The following CTNND2 variants were observed in gnomAD, a reference collection of about 807,000 sequenced individuals.
The protein encoded by CTNND2 is catenin delta-2.
A neutral mutation model predicts 144.4 loss-of-function variants in CTNND2; 22 were observed. The observed-to-expected ratio is 0.15, with a 90% CI of 0.11 to 0.22. The LOEUF (loss-of-function observed/expected upper bound fraction) is 0.22. Ranked by LOEUF, CTNND2 falls within the 10% of genes least tolerant of loss-of-function variation. The pLI is 1.00. For synonymous variants in CTNND2, 751 were observed against 695.6 expected, an observed-to-expected ratio of 1.08 and a Z score of -1.25; for missense variants, 1,353 against 1,618.8, an observed-to-expected ratio of 0.84 and a Z score of 2.82.
chr5:11,062,212 A>G (rs989052313), intron 16 of CTNND2, among the ~76,000 whole-genome samples: 3 of 151,996 alleles, frequency 2.0e-5, no homozygotes, highest in Non-Finnish European at 4.4e-5. Context: ...CCAACTATGT[A>G]TTAGCATATT....
chr5:11,711,799 G>A (rs1581758527), intron 2 of CTNND2, among the ~76,000 whole-genome samples: 1 of 152,152 alleles, frequency 6.6e-6, no homozygotes, highest in East Asian at 1.9e-4. Flanking sequence ...TAGCCACACG[G>A]CCTTAAGTAT....
At chr5:11,468,520 G>A (rs1208596856) in intron 3 of CTNND2, among the ~76,000 whole-genome samples, 2 of 152,098 alleles carry the variant, frequency 1.3e-5, no homozygotes, top group Admixed American at 1.3e-4. Flanking sequence ...AGAGCAGCAG[G>A]TTCCCAGATC....
intron 3 of CTNND2, among the ~76,000 whole-genome samples, chr5:11,450,615 C>T (rs185426976): frequency 1.3e-5 from 2 of 152,164 alleles, no homozygotes; most frequent in African/African-American, 4.8e-5. Context: ...AAAATGCGTC[C>T]CAGGCTGGGC....
intron 9 of CTNND2, among the ~76,000 whole-genome samples, chr5:11,312,128 A>C: frequency 9.0e-6 from 1 of 111,192 alleles, no homozygotes; most frequent in Non-Finnish European, 1.9e-5. Flanking sequence ...CAAACTCCCC[A>C]TACATCCTCT....
intron 3 of CTNND2, among the ~76,000 whole-genome samples, chr5:11,418,996 CTA>C (rs201500099): frequency 0.012 from 1,774 of 147,850 alleles, 39 homozygotes; most frequent in East Asian, 0.1. Context: ...ATGCATCTCT[CTA>C]TATATATATA....
At chr5:11,202,490 T>C (rs1737559704) in intron 10 of CTNND2, among the ~76,000 whole-genome samples, 2 of 152,240 alleles carry the variant, frequency 1.3e-5, no homozygotes, top group South Asian at 2.1e-4. Context: ...ATCCTCTATA[T>C]TAAAACTTGT....
At chr5:11,318,419 C>T (rs1254209978) in intron 9 of CTNND2, among the ~76,000 whole-genome samples, 1 of 152,168 alleles carries the variant, frequency 6.6e-6, no homozygotes, top group Non-Finnish European at 1.5e-5. Flanking sequence ...GGGCACTCAG[C>T]CCTGTGTGGC....
intron 1 of CTNND2, among the ~76,000 whole-genome samples, chr5:11,774,525 A>G (rs993895001): frequency 1.5e-5 from 2 of 136,726 alleles, no homozygotes; most frequent in South Asian, 2.6e-4. Context: ...CAATGTGCAC[A>G]TGTACCCTAA....
At chr5:11,482,914 G>A (rs1471133889) in intron 3 of CTNND2, among the ~76,000 whole-genome samples, 1 of 152,086 alleles carries the variant, frequency 6.6e-6, no homozygotes, top group African/African-American at 2.4e-5. Flanking sequence ...GGGTCAGCAG[G>A]CAAAGGGGAG....
At chr5:11,435,736 A>T (rs1763714920) in intron 3 of CTNND2, among the ~76,000 whole-genome samples, 2 of 152,236 alleles carry the variant, frequency 1.3e-5, no homozygotes, top group South Asian at 4.1e-4. Context: ...TATTGGTTTC[A>T]GATAGTATAA....
chr5:11,017,874 A>C (rs111900492), intron 18 of CTNND2, 100 bp downstream of exon 18: 2 of 882,984 alleles, frequency 2.3e-6, no homozygotes, highest in Admixed American at 2.0e-5. Flanking sequence ...GTTGTGTTTC[A>C]ATGACTGAGG....
chr5:11,319,291 C>T (rs1371707925), intron 9 of CTNND2, among the ~76,000 whole-genome samples: 2 of 151,648 alleles, frequency 1.3e-5, no homozygotes, highest in Non-Finnish European at 2.9e-5. Context: ...AGAGCCAAGC[C>T]CATGGTTTAT....
intron 9 of CTNND2, among the ~76,000 whole-genome samples, chr5:11,282,938 TC>T (rs1322039309): frequency 1.3e-5 from 2 of 152,180 alleles, no homozygotes; most frequent in Non-Finnish European, 2.9e-5. Context: ...AAAACTTGCC[TC>T]GTTCTAGCAC....
chr5:11,551,666 T>C (rs542343428), intron 3 of CTNND2, among the ~76,000 whole-genome samples: 1 of 152,232 alleles, frequency 6.6e-6, no homozygotes, highest in South Asian at 2.1e-4. Context: ...TGGTGCGATC[T>C]TGGCTCACTG....
chr5:11,489,412 A>AT (rs1295943063), intron 3 of CTNND2, among the ~76,000 whole-genome samples: 1 of 152,176 alleles, frequency 6.6e-6, no homozygotes, highest in African/African-American at 2.4e-5. Flanking sequence ...ATATTCCTAG[A>AT]TAAAATTTGT....
At chr5:11,358,296 T>C (rs902868138) in intron 8 of CTNND2, among the ~76,000 whole-genome samples, 1 of 152,220 alleles carries the variant, frequency 6.6e-6, no homozygotes, top group African/African-American at 2.4e-5. Context: ...ACACTCTGTC[T>C]TCCTTCAACT....
intron 2 of CTNND2, among the ~76,000 whole-genome samples, chr5:11,616,759 A>C (rs1027157099): frequency 2.6e-5 from 4 of 151,906 alleles, no homozygotes; most frequent in Non-Finnish European, 4.4e-5. Flanking sequence ...GGCATGTGCT[A>C]CCACGCCCGG....
intron 3 of CTNND2, among the ~76,000 whole-genome samples, chr5:11,530,724 T>A (rs546408691): frequency 6.6e-6 from 1 of 152,300 alleles, no homozygotes; most frequent in African/African-American, 2.4e-5. Flanking sequence ...CACATATATA[T>A]CTTAATGCCA....
chr5:11,782,557 T>G (rs534580326), intron 1 of CTNND2, among the ~76,000 whole-genome samples: 4 of 152,222 alleles, frequency 2.6e-5, no homozygotes, highest in Admixed American at 2.6e-4. Flanking sequence ...AATGTATGTT[T>G]CTCTTGTGAA....
Sources: gnomAD v4.1 joint callset for allele counts (sites outside exome capture counted in the v4.1 genomes callset) on GRCh38, gnomAD v4.1.1 for gene constraint, MANE v1.5 for transcripts, NCBI Gene and HGNC (gene_info 2026-07-23, HGNC 2026-07-21) for gene names.